Variants in TRAPPC9 observed in about 807,000 individuals in gnomAD.
TRAPPC9 encodes IKK2 binding protein.
A neutral mutation model predicts 124.0 loss-of-function variants in TRAPPC9; 83 were observed. That is an observed-to-expected ratio of 0.67 (90% CI 0.56 to 0.80). The LOEUF (loss-of-function observed/expected upper bound fraction) is 0.80, where lower values mean the gene tolerates loss of function less well. Among genes scored for constraint, TRAPPC9 ranks in the 30% least tolerant of loss-of-function variants. The probability of loss-of-function intolerance (pLI) is 0.00; values close to 1 mark genes in which losing one functional copy is unlikely to be tolerated. For synonymous variants in TRAPPC9, 638 were observed against 617.5 expected (o/e 1.03, Z -0.49); for missense variants, 1,302 against 1,508.3 (o/e 0.86, Z 2.27).
At chr8:140,149,659 G>C (rs73361181) in intron 17 of TRAPPC9, among the ~76,000 whole-genome samples, 1,548 of 152,050 alleles carry the variant, frequency 0.01, 25 homozygotes, top group African/African-American at 0.035. Context: ...CCTGCGATTA[G>C]TGACGGCTTC....
intron 10 of TRAPPC9, among the ~76,000 whole-genome samples, chr8:140,309,478 T>C (rs1232530972): frequency 6.6e-6 from 1 of 152,222 alleles, no homozygotes; most frequent in African/African-American, 2.4e-5. Flanking sequence ...TCCAATGACC[T>C]GCAAGGACCG....
intron 19 of TRAPPC9, among the ~76,000 whole-genome samples, chr8:139,979,483 C>G (rs1172894311): frequency 6.6e-6 from 1 of 152,182 alleles, no homozygotes; most frequent in Non-Finnish European, 1.5e-5. Flanking sequence ...CTCCTGCACT[C>G]GGGTGCACGG....
chr8:140,226,427 A>G (rs897506705), intron 16 of TRAPPC9, among the ~76,000 whole-genome samples: 3 of 151,962 alleles, frequency 2.0e-5, no homozygotes, highest in African/African-American at 7.3e-5. Context: ...CCCCATCTCT[A>G]CTAAAAATAC....
chr8:140,386,916 ATAC>A (rs1294490888), intron 7 of TRAPPC9, among the ~76,000 whole-genome samples: 1 of 152,238 alleles, frequency 6.6e-6, no homozygotes, highest in Admixed American at 6.5e-5. Context: ...ACTTCAAACT[ATAC>A]TACAAGGCTA....
chr8:140,253,739 G>A (rs1033193620), intron 15 of TRAPPC9, among the ~76,000 whole-genome samples: 1 of 152,118 alleles, frequency 6.6e-6, no homozygotes, highest in South Asian at 2.1e-4. Flanking sequence ...GGGCCTCCGG[G>A]GAGAGGTGTT....
chr8:140,134,582 T>C (rs1210650610), intron 17 of TRAPPC9, among the ~76,000 whole-genome samples: 1 of 151,926 alleles, frequency 6.6e-6, no homozygotes, highest in African/African-American at 2.4e-5. Flanking sequence ...GTGTCAAGTT[T>C]ATGCAATGAG....
At chr8:139,927,815 A>G (rs1832900997) in intron 19 of TRAPPC9, among the ~76,000 whole-genome samples, 2 of 152,224 alleles carry the variant, frequency 1.3e-5, no homozygotes, top group African/African-American at 4.8e-5. Context: ...CACGTGGATG[A>G]ATCTCCAAAC....
intron 17 of TRAPPC9, among the ~76,000 whole-genome samples, chr8:140,090,939 T>TGCTCCCAGAGACTCGAGC (rs1458374680): frequency 2.0e-5 from 3 of 152,220 alleles, no homozygotes; most frequent in Non-Finnish European, 2.9e-5. Flanking sequence ...GGTGTGACCC[T>TGCTCCCAGAGACTCGAGC]GCTCCCAGAG....
chr8:139,789,462 T>C (rs1822500471), intron 21 of TRAPPC9, among the ~76,000 whole-genome samples: 1 of 152,102 alleles, frequency 6.6e-6, no homozygotes, highest in Non-Finnish European at 1.5e-5. Flanking sequence ...TGTTTAGATG[T>C]GGCCTCATCC....
At chr8:140,367,843 G>A (rs2068167226) in intron 8 of TRAPPC9, among the ~76,000 whole-genome samples, 1 of 152,134 alleles carries the variant, frequency 6.6e-6, no homozygotes, top group Admixed American at 6.6e-5. Flanking sequence ...GAGGTAAGTG[G>A]GTCATCAGCC....
chr8:139,880,948 C>T (rs1460035908), intron 21 of TRAPPC9: 1 of 152,260 alleles, frequency 6.6e-6, no homozygotes, highest in Non-Finnish European at 1.5e-5. Context: ...GGCTCACCTC[C>T]TGAAGGCAGA....
intron 17 of TRAPPC9, among the ~76,000 whole-genome samples, chr8:140,036,629 G>A (rs879906985): frequency 2.0e-5 from 3 of 152,176 alleles, no homozygotes; most frequent in Non-Finnish European, 4.4e-5. Flanking sequence ...TCCAAGTGAT[G>A]ACAGTGTGAC....
At chr8:140,225,863 G>A (rs1221066799) in intron 16 of TRAPPC9, among the ~76,000 whole-genome samples, 1 of 152,190 alleles carries the variant, frequency 6.6e-6, no homozygotes, top group Non-Finnish European at 1.5e-5. Context: ...CCTCCCGAGG[G>A]AAGGCTCCCA....
chr8:139,941,058 G>A (rs1051887760), intron 19 of TRAPPC9, among the ~76,000 whole-genome samples: 3 of 152,218 alleles, frequency 2.0e-5, no homozygotes, highest in Non-Finnish European at 4.4e-5. Flanking sequence ...TTGGTTCTGT[G>A]GCAGGCCCAG....
At chr8:139,737,476 C>T (rs887602824) in intron 21 of TRAPPC9, among the ~76,000 whole-genome samples, 10 of 129,840 alleles carry the variant, frequency 7.7e-5, no homozygotes, top group African/African-American at 2.8e-4. Context: ...TCCCCCCCCC[C>T]CCACGGAAAA....
intron 9 of TRAPPC9, among the ~76,000 whole-genome samples, chr8:140,321,135 G>C (rs1280385764): frequency 1.3e-5 from 2 of 152,250 alleles, no homozygotes; most frequent in African/African-American, 4.8e-5. Context: ...TTCACCCCGG[G>C]AGTGGTGCAG....
chr8:140,138,069 G>A (rs1206487257), intron 17 of TRAPPC9, among the ~76,000 whole-genome samples: 4 of 152,220 alleles, frequency 2.6e-5, no homozygotes, highest in Admixed American at 2.0e-4. Context: ...GGGAGGCAGA[G>A]ATGGGTGAAT....
intron 17 of TRAPPC9, among the ~76,000 whole-genome samples, chr8:140,053,131 T>C (rs548255560): frequency 3.6e-4 from 55 of 152,254 alleles, no homozygotes; most frequent in Middle Eastern, 3.4e-3. Context: ...AAACACATAA[T>C]CATTGAAGGT....
intron 21 of TRAPPC9, among the ~76,000 whole-genome samples, chr8:139,772,435 C>G (rs917387032): frequency 5.3e-5 from 8 of 152,206 alleles, no homozygotes; most frequent in Non-Finnish European, 8.8e-5. Flanking sequence ...CCCCAAACTC[C>G]TTCACTCTAG....
Sources: allele counts gnomAD v4.1 joint callset (sites outside exome capture counted in the v4.1 genomes callset), GRCh38; gene constraint gnomAD v4.1.1; transcripts MANE v1.5; gene names NCBI Gene and HGNC (gene_info 2026-07-23, HGNC 2026-07-21).